The following TRHDE variants were observed in gnomAD, a reference collection of about 807,000 sequenced individuals.
The protein encoded by TRHDE is thyrotropin releasing hormone degrading enzyme.
TRHDE carries 72 observed loss-of-function variants against 125.7 expected under a neutral mutation model. That is an observed-to-expected ratio of 0.57 (90% CI 0.47 to 0.70). The LOEUF is 0.70. Among genes scored for constraint, TRHDE ranks in the 30% least tolerant of loss-of-function variants. TRHDE has a pLI of 0.00. For missense variants in TRHDE, 1,110 were observed against 1,327.1 expected (o/e 0.84, Z 2.54); for synonymous variants, 509 against 509.1 (o/e 1.00, Z 0.00).
chr12:72,187,311 A>AC (rs1877238875), intron 2 of TRHDE, among the ~76,000 whole-genome samples: 1 of 16,142 alleles, frequency 6.2e-5, no homozygotes, highest in Non-Finnish European at 9.8e-5. Context: ...GAGAAACACA[A>AC]CACACACACA....
intron 1 of TRHDE, among the ~76,000 whole-genome samples, chr12:72,102,440 G>A (rs1461752290): frequency 3.3e-5 from 5 of 152,154 alleles, no homozygotes; most frequent in African/African-American, 1.2e-4. Context: ...TAACTTGATT[G>A]TCTTAGATGA....
chr12:72,111,282 G>C (rs2139295303), intron 2 of TRHDE, among the ~76,000 whole-genome samples: 1 of 152,298 alleles, frequency 6.6e-6, no homozygotes, highest in Non-Finnish European at 1.5e-5. Flanking sequence ...AGATACATGA[G>C]TTTGTGTGTA....
intron 12 of TRHDE, among the ~76,000 whole-genome samples, chr12:72,618,087 C>T (rs952275717): frequency 1.3e-5 from 2 of 151,978 alleles, no homozygotes; most frequent in Non-Finnish European, 2.9e-5. Context: ...ATTTATATTG[C>T]TTTGATTTTG....
chr12:72,436,550 C>T lies in TRHDE; in HGVS notation c.1316-33208C>T, dbSNP rs1874753795. 2.6e-5 allele frequency among the ~76,000 whole-genome samples: 4 copies of T among 151,544 alleles called. No individual in the cohort carries two copies. The South Asian group carries it at 8.3e-4, about 31-fold the overall frequency. On this transcript the variant is annotated intron_variant, in intron 3 of 18. Transcript: ENST00000261180. The stretch of plus-strand genomic sequence containing the variant: ...TTTTGTTTTGTTTATTCAAGTGTAC[C>T]CCATCTCCTGAACTTCACAGGGTTC...
intron 12 of TRHDE, among the ~76,000 whole-genome samples, chr12:72,585,425 A>T (rs962333185): frequency 6.6e-6 from 1 of 152,232 alleles, no homozygotes; most frequent in African/African-American, 2.4e-5. Context: ...CACAACACGT[A>T]CTTATGGTCA....
intron 18 of TRHDE, among the ~76,000 whole-genome samples, chr12:72,659,215 T>C (rs1201839116): frequency 6.6e-6 from 1 of 152,190 alleles, no homozygotes; most frequent in Non-Finnish European, 1.5e-5. Context: ...AAAAACAGTA[T>C]TCTAGTACCT....
At chr12:72,154,861 A>G (rs1398581917) in intron 2 of TRHDE, among the ~76,000 whole-genome samples, 1 of 152,090 alleles carries the variant, frequency 6.6e-6, no homozygotes, top group Non-Finnish European at 1.5e-5. Flanking sequence ...TGAATCTGAC[A>G]ATTATGTGTC....
At position 72,385,131 on chromosome 12, in the gene TRHDE, AG is replaced by A. The variant is rs201874803; in HGVS notation, c.1315+7011del. ...TTTTGTTACTGGCCTAAAGTAATAC[AG>A]CCTTTTAAAATACAATCTCTGAGGG... On this transcript the variant is annotated intron_variant, in intron 3 of 18. Coordinates refer to ENST00000261180, the MANE Select transcript of TRHDE (RefSeq NM_013381.3). 5.4e-4 allele frequency among the ~76,000 whole-genome samples: 82 copies of A among 152,258 alleles called. 3 individuals are homozygous for A. The East Asian group carries it at 0.015, about 29-fold the overall frequency.
intron 17 of TRHDE, among the ~76,000 whole-genome samples, chr12:72,655,770 G>A (rs1389215558): frequency 6.6e-6 from 1 of 152,110 alleles, no homozygotes; most frequent in African/African-American, 2.4e-5. Flanking sequence ...TTATTTGCCT[G>A]CATAATTGGA....
intron 2 of TRHDE, among the ~76,000 whole-genome samples, chr12:72,332,050 A>G (rs1347137246): frequency 6.6e-6 from 1 of 152,030 alleles, no homozygotes; most frequent in Non-Finnish European, 1.5e-5. Context: ...GGCCTCAGGG[A>G]GCTTACAATC....
At chr12:72,176,116 G>A (rs1565655606) in intron 2 of TRHDE, among the ~76,000 whole-genome samples, 2 of 152,040 alleles carry the variant, frequency 1.3e-5, no homozygotes. Flanking sequence ...CAGCACTTTG[G>A]GAGGCTGAGA....
chr12:72,396,943 C>T (rs1006568394), intron 3 of TRHDE, among the ~76,000 whole-genome samples: 2 of 152,138 alleles, frequency 1.3e-5, no homozygotes, highest in Admixed American at 1.3e-4. Flanking sequence ...GTATCTCTCT[C>T]TATTGATCTT....
At chr12:72,395,107 C>G (rs1872740080) in intron 3 of TRHDE, among the ~76,000 whole-genome samples, 1 of 152,014 alleles carries the variant, frequency 6.6e-6, no homozygotes, top group Non-Finnish European at 1.5e-5. Flanking sequence ...TTGTTCTTAC[C>G]TATAGTCTCC....
intron 2 of TRHDE, chr12:72,256,932 C>T (rs1286321004): frequency 6.6e-6 from 1 of 152,186 alleles, no homozygotes; most frequent in Non-Finnish European, 1.5e-5. Context: ...AACATGGCAC[C>T]ATGTGAAATG....
chr12:72,490,756 TAA>T (rs538829137), intron 5 of TRHDE, among the ~76,000 whole-genome samples: 3 of 116,226 alleles, frequency 2.6e-5, no homozygotes, highest in Non-Finnish European at 3.7e-5. Flanking sequence ...GTGGAATCTG[TAA>T]AAAAAAAAAA....
chr12:72,502,816 A>C (rs1220565159), intron 6 of TRHDE, among the ~76,000 whole-genome samples: 1 of 152,132 alleles, frequency 6.6e-6, no homozygotes, highest in East Asian at 1.9e-4. Flanking sequence ...AAAAATAGTG[A>C]CCCAGTTATC....
At chr12:72,215,176 G>A (rs1877861273) in intron 2 of TRHDE, among the ~76,000 whole-genome samples, 1 of 137,790 alleles carries the variant, frequency 7.3e-6, no homozygotes, top group Non-Finnish European at 1.6e-5. Flanking sequence ...CAGTCAAAGG[G>A]GGTTTGTTCT....
intron 2 of TRHDE, among the ~76,000 whole-genome samples, chr12:72,296,784 A>G (rs968638889): frequency 3.3e-5 from 5 of 152,146 alleles, no homozygotes; most frequent in African/African-American, 1.2e-4. Context: ...ACCTCCAGAA[A>G]TTTCATTAGT....
intron 2 of TRHDE, among the ~76,000 whole-genome samples, chr12:72,251,646 T>G (rs140733928): frequency 6.6e-6 from 1 of 152,242 alleles, no homozygotes; most frequent in East Asian, 1.9e-4. Context: ...GGTTTTAGTG[T>G]AAACATAAAT....
Sources: gnomAD v4.1 joint callset for allele counts (sites outside exome capture counted in the v4.1 genomes callset) on GRCh38, gnomAD v4.1.1 for gene constraint, MANE v1.5 for transcripts, NCBI Gene and HGNC (gene_info 2026-07-23, HGNC 2026-07-21) for gene names.